The following KLF8 variants were observed in gnomAD, a reference collection of about 807,000 sequenced individuals.
KLF8 encodes KLF transcription factor 8.
In KLF8, 10 loss-of-function variants were observed where a neutral mutation model predicts 18.2. That is an observed-to-expected ratio of 0.55 (90% CI 0.34 to 0.93). The LOEUF is 0.93. KLF8 is among the 40% of genes least tolerant of loss of function. The pLI is 0.02. For synonymous variants in KLF8, 109 were observed against 97.3 expected (o/e 1.12, Z -0.71); for missense variants, 264 against 277.9 (o/e 0.95, Z 0.36).
At chrX:56,221,862 C>G in the KLF8 span, among the ~76,000 whole-genome samples, 3 of 111,670 alleles carry the variant, frequency 2.7e-5, no homozygotes, top group Non-Finnish European at 3.8e-5. Flanking sequence ...ACTGCTGGCT[C>G]GGGCAGCCTG....
chrX:56,018,888 T>C, the KLF8 span, among the ~76,000 whole-genome samples: 542 of 110,773 alleles, frequency 4.9e-3, 4 homozygotes, highest in African/African-American at 0.017. Flanking sequence ...GATAAAACTT[T>C]CAAGCTGTAG....
the KLF8 span, among the ~76,000 whole-genome samples, chrX:56,066,429 T>C: frequency 1.8e-5 from 2 of 112,013 alleles, no homozygotes; most frequent in South Asian, 3.7e-4. Flanking sequence ...ATATGTGCAG[T>C]ATGTGCAGGT....
the KLF8 span, among the ~76,000 whole-genome samples, chrX:56,020,111 A>G: frequency 8.9e-6 from 1 of 112,036 alleles, no homozygotes; most frequent in African/African-American, 3.2e-5. Context: ...TTTAGTTATT[A>G]TATCCCTTAT....
the KLF8 span, among the ~76,000 whole-genome samples, chrX:56,126,508 T>C: frequency 9.0e-6 from 1 of 111,257 alleles, no homozygotes; most frequent in African/African-American, 3.3e-5. Context: ...TCCACTCAGA[T>C]CCCTTCAGTG....
chrX:56,196,108 T>A, the KLF8 span, among the ~76,000 whole-genome samples: 3 of 111,611 alleles, frequency 2.7e-5, no homozygotes, highest in Non-Finnish European at 5.6e-5. Context: ...AAACAACCGA[T>A]ACCAGCCACT....
chrX:56,089,293 T>G, the KLF8 span, among the ~76,000 whole-genome samples: 1 of 111,804 alleles, frequency 8.9e-6, no homozygotes, highest in Non-Finnish European at 1.9e-5. Context: ...AATGACTATT[T>G]AATTTTTACT....
chrX:56,037,461 T>A, the KLF8 span, among the ~76,000 whole-genome samples: 1 of 111,643 alleles, frequency 9.0e-6, no homozygotes, highest in Non-Finnish European at 1.9e-5. Context: ...TGCTTCAATT[T>A]TTTAGAAATA....
At chrX:56,243,401 C>T in intron 1 of KLF8, 1 of 262,988 alleles carries the variant, frequency 3.8e-6, no homozygotes, top group South Asian at 5.2e-5. Flanking sequence ...TCTTCCCTTT[C>T]CGCGCCATCT....
chrX:56,161,476 C>T, the KLF8 span, among the ~76,000 whole-genome samples: 98 of 111,603 alleles, frequency 8.8e-4, no homozygotes, highest in African/African-American at 3.1e-3. Flanking sequence ...TCTTTTTATT[C>T]TTTTTTCTCT....
chrX:56,067,272 A>C, the KLF8 span, among the ~76,000 whole-genome samples: 2 of 106,406 alleles, frequency 1.9e-5, no homozygotes, highest in Non-Finnish European at 3.9e-5. Context: ...GCTTCTTCCC[A>C]AAAAAATTTT....
the KLF8 span, among the ~76,000 whole-genome samples, chrX:56,051,196 T>C: frequency 8.1e-5 from 9 of 111,586 alleles, no homozygotes; most frequent in South Asian, 1.5e-3. Flanking sequence ...GAATACAGCA[T>C]ACTGATGGGT....
upstream of KLF8, among the ~76,000 whole-genome samples, chrX:56,227,590 G>A (rs1331567912): frequency 9.0e-6 from 1 of 111,137 alleles, no homozygotes; most frequent in Non-Finnish European, 1.9e-5. Flanking sequence ...TGATGAATCC[G>A]CCTTGGCCTC....
the KLF8 span, among the ~76,000 whole-genome samples, chrX:56,106,163 T>G: frequency 9.0e-6 from 1 of 111,290 alleles, no homozygotes; most frequent in Non-Finnish European, 1.9e-5. Context: ...TTTCCTCCAT[T>G]TCAGTGTTGG....
chrX:56,282,144 C>G (rs2067209678), intron 5 of KLF8, among the ~76,000 whole-genome samples: 1 of 112,396 alleles, frequency 8.9e-6, no homozygotes, highest in Non-Finnish European at 1.9e-5. Context: ...ATTTAATTTA[C>G]ACACTCTAAA....
At chrX:56,234,371 A>G (rs1404021049) in intron 1 of KLF8, among the ~76,000 whole-genome samples, 2 of 111,763 alleles carry the variant, frequency 1.8e-5, no homozygotes, top group African/African-American at 6.5e-5. Context: ...TAATAATTCT[A>G]TCTCAGTAGA....
chrX:56,230,126 A>G (rs922941325), upstream of KLF8, among the ~76,000 whole-genome samples: 44 of 112,383 alleles, frequency 3.9e-4, no homozygotes, highest in African/African-American at 1.4e-3. Context: ...GCTATTTCAG[A>G]CTGAAAAAGT....
At chrX:56,147,678 T>G in the KLF8 span, among the ~76,000 whole-genome samples, 1 of 111,755 alleles carries the variant, frequency 8.9e-6, no homozygotes, top group Non-Finnish European at 1.9e-5. Flanking sequence ...TGATGAAAAC[T>G]TTTTGAAACT....
the KLF8 span, among the ~76,000 whole-genome samples, chrX:56,192,446 T>C: frequency 1.8e-5 from 2 of 111,469 alleles, no homozygotes; most frequent in Non-Finnish European, 3.8e-5. Context: ...ATGGCACTCT[T>C]TAGAGAAATA....
chrX:56,260,050 T>C (rs902761083), intron 2 of KLF8, among the ~76,000 whole-genome samples: 4 of 110,973 alleles, frequency 3.6e-5, no homozygotes, highest in Non-Finnish European at 7.6e-5. Flanking sequence ...TTCTGGTACA[T>C]ATAGGTATTC....
Sources: gnomAD v4.1 joint callset for allele counts (sites outside exome capture counted in the v4.1 genomes callset) on GRCh38, gnomAD v4.1.1 for gene constraint, MANE v1.5 for transcripts, NCBI Gene and HGNC (gene_info 2026-07-23, HGNC 2026-07-21) for gene names.